The following STIM1 variants were observed in gnomAD, a reference collection of about 807,000 sequenced individuals.
STIM1 encodes the protein stromal interaction molecule 1.
A neutral mutation model predicts 74.7 loss-of-function variants in STIM1; 25 were observed. That is an observed-to-expected ratio of 0.33 (90% CI 0.24 to 0.47). The LOEUF is 0.47. Among genes scored for constraint, STIM1 ranks in the 20% least tolerant of loss-of-function variants. The probability of loss-of-function intolerance (pLI) is 1.00; values close to 1 mark genes in which losing one functional copy is unlikely to be tolerated. For missense variants in STIM1, 728 were observed against 920.8 expected, an observed-to-expected ratio of 0.79 and a Z score of 2.71; for synonymous variants, 328 against 348.8, an observed-to-expected ratio of 0.94 and a Z score of 0.66.
At chr11:3,864,822 T>C (rs999860881) in intron 1 of STIM1, among the ~76,000 whole-genome samples, 1 of 152,238 alleles carries the variant, frequency 6.6e-6, no homozygotes, top group African/African-American at 2.4e-5. Context: ...TTAGTTTTTC[T>C]TTGACTTCCT....
intron 1 of STIM1, among the ~76,000 whole-genome samples, chr11:3,901,682 C>T (rs534350726): frequency 6.5e-4 from 99 of 152,326 alleles, no homozygotes; most frequent in African/African-American, 2.2e-3. Context: ...GGTTAATCCA[C>T]CAGTCCCTGG....
chr11:4,039,106 A>G (rs536991243), intron 3 of STIM1, among the ~76,000 whole-genome samples: 1 of 152,146 alleles, frequency 6.6e-6, no homozygotes, highest in Non-Finnish European at 1.5e-5. Context: ...TCAACAGAAT[A>G]AGATATCCAA....
At chr11:3,943,445 A>G (rs937045352) in intron 1 of STIM1, among the ~76,000 whole-genome samples, 4 of 152,168 alleles carry the variant, frequency 2.6e-5, no homozygotes, top group African/African-American at 9.7e-5. Flanking sequence ...CCTCCATGCA[A>G]TGCCTCTTAA....
At chr11:3,986,546 C>T (rs1183704087) in intron 2 of STIM1, among the ~76,000 whole-genome samples, 2 of 151,868 alleles carry the variant, frequency 1.3e-5, no homozygotes, top group African/African-American at 4.8e-5. Flanking sequence ...CAGAGCTGGC[C>T]CTAATTCTGA....
intron 2 of STIM1, among the ~76,000 whole-genome samples, chr11:3,994,765 G>A (rs2093648458): frequency 6.6e-6 from 1 of 151,892 alleles, no homozygotes; most frequent in Non-Finnish European, 1.5e-5. Context: ...TTCCCCTTCT[G>A]GTATTCATAT....
In STIM1 at chr11:4,086,764, C is replaced by G; in HGVS notation, c.1634+221C>G. ...CGTCCATGTCCACCCTGTTTATTACCACCACAGCACTTCCTATTTCCTCCA... is the reference window on the plus strand; with the variant it reads ...CGTCCATGTCCACCCTGTTTATTACGACCACAGCACTTCCTATTTCCTCCA... On this transcript the variant is annotated intron_variant, in intron 12 of 12. Coordinates refer to ENST00000526596, the MANE Select transcript of STIM1 (RefSeq NM_001382567.1). 6.5e-7 allele frequency: 1 copy of G among 1,537,152 alleles called. No homozygotes were observed. The highest frequency in any genetic ancestry group is 8.7e-7 in the Non-Finnish European group (1 of 1,146,852).
intron 12 of STIM1, chr11:4,089,017 A>G: frequency 2.8e-6 from 1 of 354,584 alleles, no homozygotes; most frequent in East Asian, 5.8e-5. Flanking sequence ...GGACTGCTTA[A>G]GCCCAGGAGT....
intron 2 of STIM1, among the ~76,000 whole-genome samples, chr11:4,013,685 G>GATTT (rs2093863761): frequency 1.2e-5 from 1 of 81,490 alleles, no homozygotes. Context: ...TGGATTCATT[G>GATTT]ATTTCTTTTT....
chr11:3,955,672 A>G (rs2093203311), intron 1 of STIM1, among the ~76,000 whole-genome samples: 2 of 152,046 alleles, frequency 1.3e-5, no homozygotes, highest in South Asian at 4.1e-4. Flanking sequence ...TCTATTAAAG[A>G]AAAAATAAAA....
intron 1 of STIM1, among the ~76,000 whole-genome samples, chr11:3,948,527 C>T (rs530196088): frequency 6.6e-6 from 1 of 152,106 alleles, no homozygotes; most frequent in East Asian, 1.9e-4. Flanking sequence ...AAAATAGTGC[C>T]TCCAAAAGGT....
rs536236269 is a variant in STIM1, at chr11:4,042,771, A to C, written c.386-12755A>C. On this transcript the variant is annotated intron_variant, in intron 3 of 12. Transcript: ENST00000526596. Reference sequence around the variant, plus strand: ...TTCTGGCAGATCTGCATCTCTGTCCATCCAGATTCTGACCAGTCCTTAATA... The same window carrying C: ...TTCTGGCAGATCTGCATCTCTGTCCCTCCAGATTCTGACCAGTCCTTAATA... Among the ~76,000 whole-genome samples, 124 of 152,300 alleles carry C rather than the reference A, an allele frequency of 8.1e-4. 1 individual carries two copies. The highest frequency in any genetic ancestry group is 2.7e-3 in the African/African-American group (111 of 41,568).
chr11:4,036,263 G>A (rs2094101762), intron 3 of STIM1, among the ~76,000 whole-genome samples: 1 of 152,078 alleles, frequency 6.6e-6, no homozygotes, highest in Admixed American at 6.5e-5. Context: ...TCATTGATGG[G>A]CATTTGGGTT....
chr11:3,895,646 CTTT>C lies in STIM1; in HGVS notation c.139+39238_139+39240del, dbSNP rs2092057094. Among the ~76,000 whole-genome samples, 3 of 10,330 alleles carry C rather than the reference CTTT, an allele frequency of 2.9e-4. 1 individual carries two copies. Among genetic ancestry groups the C allele is most frequent in the South Asian group, 0.016 (2 of 126 alleles). The allele number at this position is 10,330 out of a possible 152,430, so 6.8% of individuals were successfully genotyped here. A position where few individuals can be genotyped will look rare whatever the true frequency, so the allele number is the denominator to read the frequency against. ...TCTTTCTTTCTTTCTTTCTTTCTTTCTTTCTTTCTTTCTTTCTTTCTTTCTTTC... is the reference window on the plus strand; with the variant it reads ...TCTTTCTTTCTTTCTTTCTTTCTTTCCTTTCTTTCTTTCTTTCTTTCTTTC... On this transcript the variant is annotated intron_variant, in intron 1 of 12. Transcript: ENST00000526596.
intron 1 of STIM1, among the ~76,000 whole-genome samples, chr11:3,902,858 G>A (rs1025774054): frequency 6.6e-6 from 1 of 152,184 alleles, no homozygotes; most frequent in Non-Finnish European, 1.5e-5. Context: ...AATTGGTGTT[G>A]TGGATAGAGG....
At chr11:3,991,585 T>C (rs1272232441) in intron 2 of STIM1, among the ~76,000 whole-genome samples, 2 of 152,054 alleles carry the variant, frequency 1.3e-5, no homozygotes, top group African/African-American at 2.4e-5. Flanking sequence ...TTATTTTCCT[T>C]TGGGTATGTA....
At chr11:4,061,929 T>C (rs1290808915) in intron 5 of STIM1, among the ~76,000 whole-genome samples, 1 of 152,128 alleles carries the variant, frequency 6.6e-6, no homozygotes, top group Non-Finnish European at 1.5e-5. Context: ...ATGATTAGAA[T>C]AGATAAATCC....
At chr11:3,948,963 A>G (rs1213573066) in intron 1 of STIM1, among the ~76,000 whole-genome samples, 3 of 152,274 alleles carry the variant, frequency 2.0e-5, no homozygotes, top group Non-Finnish European at 4.4e-5. Context: ...TAATAATTGA[A>G]CACTTACTAT....
chr11:3,872,703 A>G (rs1357459133), intron 1 of STIM1, among the ~76,000 whole-genome samples: 2 of 151,428 alleles, frequency 1.3e-5, no homozygotes, highest in African/African-American at 4.9e-5. Flanking sequence ...TTGTATTTTT[A>G]GTAGAGACAG....
chr11:3,968,218 C>T (rs898120114), intron 2 of STIM1, among the ~76,000 whole-genome samples: 5 of 152,126 alleles, frequency 3.3e-5, no homozygotes, highest in African/African-American at 1.2e-4. Flanking sequence ...AAAGGAGTCT[C>T]TAAATGGAAA....
Sources: gnomAD v4.1 joint callset for allele counts (sites outside exome capture counted in the v4.1 genomes callset) on GRCh38, gnomAD v4.1.1 for gene constraint, MANE v1.5 for transcripts, NCBI Gene and HGNC (gene_info 2026-07-23, HGNC 2026-07-21) for gene names.